PRSS38: variants seen among roughly 807,000 people sequenced by gnomAD.
PRSS38 encodes the protein marapsin 2.
PRSS38 carries 22 observed loss-of-function variants against 26.8 expected under a neutral mutation model. The ratio of observed to expected loss-of-function variants is 0.82; its 90% CI spans 0.59 to 1.17. The LOEUF (loss-of-function observed/expected upper bound fraction) is 1.17. Among genes scored for constraint, PRSS38 ranks in the 50% most tolerant of loss-of-function variants. The pLI is 0.00. For missense variants in PRSS38, 427 were observed against 422.7 expected (o/e 1.01, Z -0.09); for synonymous variants, 175 against 172.1 (o/e 1.02, Z -0.13).
intron 3 of PRSS38, among the ~76,000 whole-genome samples, chr1:227,829,458 A>C (rs999548563): frequency 9.2e-5 from 14 of 152,154 alleles, no homozygotes; most frequent in Non-Finnish European, 2.9e-5. Flanking sequence ...TCCTTTGTCC[A>C]AAAAGTGCTT....
chr1:227,817,138 G>A, intron 2 of PRSS38, 71 bp from the exon 3 acceptor site: 3 of 1,515,630 alleles, frequency 2.0e-6, no homozygotes, highest in Admixed American at 1.8e-5. Context: ...CCTTGCGCTT[G>A]GCCTCCCCAG....
At chr1:227,842,312 C>T (rs1482129334) in intron 3 of PRSS38, among the ~76,000 whole-genome samples, 2 of 152,180 alleles carry the variant, frequency 1.3e-5, no homozygotes, top group African/African-American at 2.4e-5. Flanking sequence ...GCTCTGCCCT[C>T]TCTCCCTTCT....
At chr1:227,845,342 G>A (rs1572093244) in intron 3 of PRSS38, 128 bp from the exon 4 acceptor site, 1 of 647,596 alleles carries the variant, frequency 1.5e-6, no homozygotes, top group South Asian at 1.9e-5. Flanking sequence ...TGTGTCATCA[G>A]GGCTCCTTCC....
intron 3 of PRSS38, among the ~76,000 whole-genome samples, chr1:227,823,572 C>T (rs1303016572): frequency 6.6e-6 from 1 of 152,110 alleles, no homozygotes; most frequent in East Asian, 1.9e-4. Context: ...GGGTGGATTC[C>T]TCATGAATGG....
At chr1:227,822,951 T>C (rs1182576245) in intron 3 of PRSS38, among the ~76,000 whole-genome samples, 1 of 152,192 alleles carries the variant, frequency 6.6e-6, no homozygotes, top group Non-Finnish European at 1.5e-5. Context: ...TATTTTTTAT[T>C]TTTATAGATT....
At chr1:227,819,253 C>T (rs895080862) in intron 3 of PRSS38, among the ~76,000 whole-genome samples, 14 of 152,138 alleles carry the variant, frequency 9.2e-5, no homozygotes, top group African/African-American at 3.4e-4. Flanking sequence ...GCCATCTATT[C>T]ATTCGTTAAA....
chr1:227,836,619 G>A lies in PRSS38; in HGVS notation c.584-8851G>A, dbSNP rs1304375845. On this transcript the variant is annotated intron_variant, in intron 3 of 4. Transcript: ENST00000366757. ...GGAGAATGGCGTGAACCCGGGAGGC[G>A]GAGCTTGCAGTGAGCCGAGATCCCG... Among the ~76,000 whole-genome samples, 2 of 6,026 alleles carry A rather than the reference G, an allele frequency of 3.3e-4. 1 individual carries two copies. Among genetic ancestry groups the A allele is most frequent in the Non-Finnish European group, 1.5e-3 (2 of 1,374 alleles). 4.0% of individuals were successfully genotyped at this position (6,026 alleles called of 152,430 possible).
chr1:227,829,970 A>G (rs1220815512), intron 3 of PRSS38, among the ~76,000 whole-genome samples: 2 of 152,200 alleles, frequency 1.3e-5, no homozygotes, highest in Non-Finnish European at 2.9e-5. Context: ...CAGATTGAGG[A>G]AGACTTCTTT....
intron 3 of PRSS38, among the ~76,000 whole-genome samples, chr1:227,840,369 T>C (rs1665319805): frequency 6.6e-6 from 1 of 152,144 alleles, no homozygotes; most frequent in Non-Finnish European, 1.5e-5. Context: ...GCGATCCTCC[T>C]GCCTCAGTCT....
intron 3 of PRSS38, among the ~76,000 whole-genome samples, chr1:227,838,829 C>T (rs1222094788): frequency 6.6e-6 from 1 of 152,140 alleles, no homozygotes; most frequent in Non-Finnish European, 1.5e-5. Flanking sequence ...CTGTATTTCT[C>T]TTTTCAAATA....
chr1:227,837,788 T>A (rs1358216501), intron 3 of PRSS38, among the ~76,000 whole-genome samples: 4 of 152,252 alleles, frequency 2.6e-5, no homozygotes, highest in Non-Finnish European at 5.9e-5. Flanking sequence ...TCAGTTATGC[T>A]ACTCATGTCA....
chr1:227,829,952 T>C (rs949095464), intron 3 of PRSS38, among the ~76,000 whole-genome samples: 2 of 152,212 alleles, frequency 1.3e-5, no homozygotes, highest in African/African-American at 2.4e-5. Flanking sequence ...TTTGTAGATA[T>C]CTTTTAACAG....
At chr1:227,820,089 CAAAAAA>C (rs61564441) in intron 3 of PRSS38, among the ~76,000 whole-genome samples, 3 of 42,790 alleles carry the variant, frequency 7.0e-5, no homozygotes, top group East Asian at 1.5e-3. Context: ...AACTCCATCT[CAAAAAA>C]AAAAAAAAAA....
chr1:227,820,580 T>A lies in PRSS38; in HGVS notation c.583+3100T>A, dbSNP rs200855123. Reference sequence around the variant, plus strand: ...TTGAATTACACTTGTATTTCTTGGATAAATCTCGCTTTGTCATGGTTTTAT... The same window carrying A: ...TTGAATTACACTTGTATTTCTTGGAAAAATCTCGCTTTGTCATGGTTTTAT... On this transcript the variant is annotated intron_variant, in intron 3 of 4. Transcript: ENST00000366757. 3.3e-5 allele frequency among the ~76,000 whole-genome samples: 5 copies of A among 152,354 alleles called. No individual in the cohort carries two copies. In the East Asian group the frequency reaches 9.6e-4, roughly 29 times the overall value.
intron 3 of PRSS38, among the ~76,000 whole-genome samples, chr1:227,839,455 A>G (rs1319199169): frequency 1.3e-5 from 2 of 151,946 alleles, no homozygotes; most frequent in Non-Finnish European, 2.9e-5. Flanking sequence ...GTAACAGGGC[A>G]AGAGCCTGTC....
chr1:227,826,577 A>G (rs1046834254), intron 3 of PRSS38, among the ~76,000 whole-genome samples: 1 of 152,156 alleles, frequency 6.6e-6, no homozygotes, highest in Non-Finnish European at 1.5e-5. Flanking sequence ...GTAGCTGTGC[A>G]TGGTGGCATA....
chr1:227,828,295 GTATCCCACTATT>G (rs1206620824), intron 3 of PRSS38, among the ~76,000 whole-genome samples: 1 of 152,188 alleles, frequency 6.6e-6, no homozygotes, highest in Non-Finnish European at 1.5e-5. Flanking sequence ...GAGTGTTAAA[GTATCCCACTATT>G]ACTGTGTGGG....
chr1:227,817,150 C>T (rs143864118), intron 2 of PRSS38, 59 bp from the exon 3 acceptor site: 29,037 of 1,568,618 alleles, frequency 0.019, 326 homozygotes, highest in Non-Finnish European at 0.022. Flanking sequence ...CCTCCCCAGG[C>T]CTGTGGGCTG....
intron 3 of PRSS38, among the ~76,000 whole-genome samples, chr1:227,840,480 G>C (rs1230190540): frequency 6.6e-6 from 1 of 152,142 alleles, no homozygotes; most frequent in Non-Finnish European, 1.5e-5. Flanking sequence ...CATAAAACAT[G>C]AAAATTATTT....
Sources: gnomAD v4.1 joint callset for allele counts (sites outside exome capture counted in the v4.1 genomes callset) on GRCh38, gnomAD v4.1.1 for gene constraint, MANE v1.5 for transcripts, NCBI Gene and HGNC (gene_info 2026-07-23, HGNC 2026-07-21) for gene names.